The following MORN1 variants were observed in gnomAD, a reference collection of about 807,000 sequenced individuals.
MORN1 encodes the protein MORN repeat-containing protein 1.
MORN1 carries 67 observed loss-of-function variants against 61.9 expected under a neutral mutation model. That is an observed-to-expected ratio of 1.08 (90% CI 0.89 to 1.33). MORN1 has a LOEUF of 1.33. Among genes scored for constraint, MORN1 ranks in the 40% most tolerant of loss-of-function variants. The pLI is 0.00. For missense variants in MORN1, 752 were observed against 691.2 expected (o/e 1.09, Z -0.99); for synonymous variants, 301 against 292.0 (o/e 1.03, Z -0.31).
chr1:2,362,096 G>C (rs1641901670), intron 8 of MORN1, among the ~76,000 whole-genome samples: 1 of 152,178 alleles, frequency 6.6e-6, no homozygotes, highest in African/African-American at 2.4e-5. Flanking sequence ...GCCGGGCGTG[G>C]TGGCGGGTGC....
At chr1:2,370,214 T>C (rs998193389) in intron 8 of MORN1, among the ~76,000 whole-genome samples, 32 of 152,314 alleles carry the variant, frequency 2.1e-4, no homozygotes, top group Non-Finnish European at 4.4e-4. Flanking sequence ...TGACTGATTT[T>C]CAACCAAGGT....
chr1:2,390,711 C>T lies in MORN1; in HGVS notation c.77-715G>A, dbSNP rs549599495. 30 of 985,028 alleles carry T rather than the reference C, an allele frequency of 3.0e-5. No homozygotes were observed. In the South Asian group the frequency reaches 1.3e-3, roughly 43 times the overall value. The allele number at this position is 985,028 out of a possible 1,614,324, so 61.0% of individuals were successfully genotyped here. ...GTTAGCTCTGAGTTCATTCCAGACC[C>T]GTTTATTTGATTCTAGAAACAGTTC... On this transcript the variant is annotated intron_variant, in intron 1 of 13. Coordinates refer to ENST00000378531, the MANE Select transcript of MORN1 (RefSeq NM_024848.3).
chr1:2,391,418 A>C, intron 1 of MORN1, 40 bp downstream of exon 1: 1 of 1,254,560 alleles, frequency 8.0e-7, no homozygotes, highest in Non-Finnish European at 1.0e-6. Flanking sequence ...AATGGAGCCC[A>C]GGGCAGCCAG....
chr1:2,389,154 A>G (rs1557896961), intron 2 of MORN1, among the ~76,000 whole-genome samples: 1 of 151,756 alleles, frequency 6.6e-6, no homozygotes, highest in Non-Finnish European at 1.5e-5. Context: ...ACTGGCAGAG[A>G]GCAGATACAA....
chr1:2,342,632 C>T (rs1002681767), intron 10 of MORN1, among the ~76,000 whole-genome samples: 12 of 151,934 alleles, frequency 7.9e-5, no homozygotes, highest in South Asian at 4.1e-4. Flanking sequence ...CCCCGGGCTT[C>T]GTCCTCACCT....
At chr1:2,324,965 G>C (rs569625091) in intron 12 of MORN1, among the ~76,000 whole-genome samples, 1 of 85,830 alleles carries the variant, frequency 1.2e-5, no homozygotes, top group Non-Finnish European at 2.1e-5. Context: ...GTCCCTGCAC[G>C]TGAGGAAGCT....
intron 12 of MORN1, among the ~76,000 whole-genome samples, chr1:2,331,264 A>G (rs2100239067): frequency 6.6e-6 from 1 of 151,754 alleles, no homozygotes; most frequent in Non-Finnish European, 1.5e-5. Flanking sequence ...GCCACTCGGG[A>G]CCCCTCTCCT....
rs912216641 is a variant in MORN1, at chr1:2,391,380, G to A, written c.76+78C>T. 4.0e-6 allele frequency: 5 copies of A among 1,239,070 alleles called. No homozygotes were observed. The Admixed American group carries it at 1.3e-4, about 31-fold the overall frequency. 76.8% of individuals were successfully genotyped at this position (1,239,070 alleles called of 1,614,324 possible). A position where few individuals can be genotyped will look rare whatever the true frequency, so the allele number is the denominator to read the frequency against. Reference sequence around the variant, plus strand: ...TACTTTCCGAGGTGAGCATTTGGGGGTCGAGGGCGTAGAGCGATCGCACCC... The same window carrying A: ...TACTTTCCGAGGTGAGCATTTGGGGATCGAGGGCGTAGAGCGATCGCACCC... On this transcript the variant is annotated intron_variant, in intron 1 of 13. Coordinates refer to ENST00000378531, the MANE Select transcript of MORN1 (RefSeq NM_024848.3).
intron 10 of MORN1, among the ~76,000 whole-genome samples, chr1:2,343,858 G>A (rs1001083019): frequency 3.9e-5 from 6 of 152,160 alleles, no homozygotes; most frequent in Non-Finnish European, 7.3e-5. Flanking sequence ...AACAATCCAC[G>A]GCCCCATTCT....
intron 8 of MORN1, among the ~76,000 whole-genome samples, chr1:2,360,618 G>A (rs1412418294): frequency 2.0e-5 from 3 of 152,224 alleles, no homozygotes; most frequent in African/African-American, 7.2e-5. Flanking sequence ...GAAGAGGAGA[G>A]AGAGGACCCT....
intron 7 of MORN1, among the ~76,000 whole-genome samples, chr1:2,373,675 G>A (rs749413780): frequency 3.9e-5 from 6 of 152,200 alleles, no homozygotes; most frequent in Non-Finnish European, 7.4e-5. Flanking sequence ...CACTGTGTGC[G>A]TGCGGGTGCT....
intron 13 of MORN1, chr1:2,323,491 T>C: frequency 1.0e-6 from 1 of 985,310 alleles, no homozygotes; most frequent in Non-Finnish European, 1.2e-6. Context: ...CTGCTAGGGG[T>C]CCGAGCCTTT....
At chr1:2,353,273 T>C (rs1358502424) in intron 10 of MORN1, among the ~76,000 whole-genome samples, 16 of 152,276 alleles carry the variant, frequency 1.1e-4, no homozygotes, top group Admixed American at 1.0e-3. Flanking sequence ...CTGGACACGC[T>C]GGACAGCCTC....
chr1:2,348,714 T>A lies in MORN1; in HGVS notation c.1036+8718A>T, dbSNP rs1249038986. The stretch of plus-strand genomic sequence containing the variant: ...ACACACACGCACGCACACGCACACC[T>A]GCGCGGGCACGCACACGCACACCTG... On this transcript the variant is annotated intron_variant, in intron 10 of 13. Transcript: ENST00000378531. Among the ~76,000 whole-genome samples, 9 of 17,298 alleles carry A rather than the reference T, an allele frequency of 5.2e-4. No individual in the cohort carries two copies. The East Asian group carries it at 0.019, about 37-fold the overall frequency. 11.3% of individuals were successfully genotyped at this position (17,298 alleles called of 152,430 possible). A position where few individuals can be genotyped will look rare whatever the true frequency, so the allele number is the denominator to read the frequency against.
At chr1:2,359,655 G>T (rs896499426) in intron 8 of MORN1, among the ~76,000 whole-genome samples, 1 of 152,190 alleles carries the variant, frequency 6.6e-6, no homozygotes, top group African/African-American at 2.4e-5. Context: ...GGCCGAGGCG[G>T]GTGGATCTCC....
At chr1:2,379,498 T>C (rs1183959566) in intron 6 of MORN1, among the ~76,000 whole-genome samples, 1 of 152,088 alleles carries the variant, frequency 6.6e-6, no homozygotes, top group East Asian at 1.9e-4. Flanking sequence ...CAAACTCCTG[T>C]GCACAAAGGC....
chr1:2,382,376 G>A (rs181285462), intron 6 of MORN1, among the ~76,000 whole-genome samples: 2 of 152,294 alleles, frequency 1.3e-5, no homozygotes, highest in African/African-American at 4.8e-5. Context: ...TGCCCTGCTC[G>A]GACTGGTGGG....
intron 7 of MORN1, among the ~76,000 whole-genome samples, chr1:2,373,078 C>A (rs2100339248): frequency 6.6e-6 from 1 of 152,378 alleles, no homozygotes; most frequent in Middle Eastern, 3.4e-3. Context: ...TCCACCGGGG[C>A]CTGCAGGGCA....
chr1:2,332,719 G>T (rs1641185657), intron 12 of MORN1: 1 of 456,438 alleles, frequency 2.2e-6, no homozygotes, highest in African/African-American at 2.0e-5. Context: ...ATTTGGAGCA[G>T]CCAGGAGAAC....
Sources: gnomAD v4.1 joint callset for allele counts (sites outside exome capture counted in the v4.1 genomes callset) on GRCh38, gnomAD v4.1.1 for gene constraint, MANE v1.5 for transcripts, NCBI Gene and HGNC (gene_info 2026-07-23, HGNC 2026-07-21) for gene names.